The following AGTRAP variants were observed in gnomAD, a reference collection of about 807,000 sequenced individuals.
The protein encoded by AGTRAP is angiotensin II receptor associated protein, also known as type-1 angiotensin II receptor-associated protein.
AGTRAP carries 7 observed loss-of-function variants against 15.2 expected under a neutral mutation model. The ratio of observed to expected loss-of-function variants is 0.46; its 90% CI spans 0.26 to 0.87. The LOEUF is 0.87. Ranked by LOEUF, AGTRAP falls within the 40% of genes least tolerant of loss-of-function variation. The pLI is 0.15. For synonymous variants in AGTRAP, 74 were observed against 89.6 expected, an observed-to-expected ratio of 0.83 and a Z score of 0.98; for missense variants, 187 against 213.4, an observed-to-expected ratio of 0.88 and a Z score of 0.77.
chr1:11,736,475 G>A (rs569189529), intron 1 of AGTRAP, among the ~76,000 whole-genome samples: 3 of 152,342 alleles, frequency 2.0e-5, no homozygotes, highest in African/African-American at 7.2e-5. Flanking sequence ...GAGGGCAAGG[G>A]CCGCCCCCTC....
chr1:11,739,410 G>C (rs1362813937), intron 1 of AGTRAP, among the ~76,000 whole-genome samples: 1 of 152,148 alleles, frequency 6.6e-6, no homozygotes, highest in Non-Finnish European at 1.5e-5. Context: ...AATTAGCTGG[G>C]TGTGGTGGTG....
Position 11,736,199 on chromosome 1 carries a change from C to A in AGTRAP, c.-10C>A. ...CGGCTGCGGCGCAGGTGCCCTCGGC[C>A]TGAGTCGGGATGGAGCTGCCTGCTG... is the stretch of plus-strand genomic sequence containing the variant. On this transcript the variant is annotated 5_prime_UTR_variant, in exon 1 of 5. In the 5' UTR this introduces an upstream ATG that the reference lacks. Coordinates refer to ENST00000314340, the MANE Select transcript of AGTRAP (RefSeq NM_020350.5). 1 of 1,604,634 alleles carries A rather than the reference C, an allele frequency of 6.2e-7. No homozygotes were observed. The highest frequency in any genetic ancestry group is 8.5e-7 in the Non-Finnish European group (1 of 1,176,590).
intron 2 of AGTRAP, chr1:11,746,350 C>A (rs1642164158): frequency 9.6e-6 from 8 of 834,130 alleles, no homozygotes; most frequent in Non-Finnish European, 1.5e-5. Context: ...CAGGCACCTG[C>A]TTTCTTAAAA....
chr1:11,744,642 G>A (rs1444332140), intron 1 of AGTRAP: 3 of 698,476 alleles, frequency 4.3e-6, no homozygotes, highest in Non-Finnish European at 8.0e-6. Flanking sequence ...TTCCACAAAG[G>A]AGCCTCCCAC....
chr1:11,743,465 C>T lies in AGTRAP; in HGVS notation c.28-2338C>T, dbSNP rs190658374. On this transcript the variant is annotated intron_variant, in intron 1 of 4. Transcript: ENST00000314340. ...TTCGCCATGTTAGCCAGGCTGGTCT[C>T]GAACTCCTGACCTCAAGTGATCCAC... 1.5e-3 allele frequency among the ~76,000 whole-genome samples: 231 copies of T among 152,006 alleles called. 3 individuals carry two copies. Among genetic ancestry groups the T allele is most frequent in the African/African-American group, 5.3e-3 (219 of 41,472 alleles).
At chr1:11,739,998 AC>A (rs1312654235) in intron 1 of AGTRAP, among the ~76,000 whole-genome samples, 1 of 151,862 alleles carries the variant, frequency 6.6e-6, no homozygotes, top group Non-Finnish European at 1.5e-5. Flanking sequence ...TGGTCCATTG[AC>A]CCCTGTCTGG....
chr1:11,743,243 T>G (rs1044866583), intron 1 of AGTRAP, among the ~76,000 whole-genome samples: 22 of 151,882 alleles, frequency 1.4e-4, no homozygotes, highest in Admixed American at 7.9e-4. Flanking sequence ...CATCTGTCTT[T>G]TCTTTTCTTT....
chr1:11,736,197 G>A lies in AGTRAP; in HGVS notation c.-12G>A. On this transcript the variant is annotated 5_prime_UTR_variant, in exon 1 of 5. Coordinates refer to ENST00000314340, the MANE Select transcript of AGTRAP (RefSeq NM_020350.5). ...CGCGGCTGCGGCGCAGGTGCCCTCG[G>A]CCTGAGTCGGGATGGAGCTGCCTGC... 1 of 1,603,898 alleles carries A rather than the reference G, an allele frequency of 6.2e-7. No homozygotes were observed. Among genetic ancestry groups the A allele is most frequent in the Non-Finnish European group, 8.5e-7 (1 of 1,176,322 alleles).
chr1:11,738,971 T>C (rs1641963736), intron 1 of AGTRAP, among the ~76,000 whole-genome samples: 1 of 152,252 alleles, frequency 6.6e-6, no homozygotes, highest in Non-Finnish European at 1.5e-5. Flanking sequence ...CTGCATGCCC[T>C]GCTGGTTTCT....
chr1:11,742,441 GTTCCTTCC>G (rs147888116), intron 1 of AGTRAP, among the ~76,000 whole-genome samples: 34,394 of 149,042 alleles, frequency 0.23, 4,552 homozygotes, highest in East Asian at 0.32. Context: ...CCCTTCCTTC[GTTCCTTCC>G]TTCCTTCCTT....
At chr1:11,747,996 G>A (rs779908409) in intron 3 of AGTRAP, among the ~76,000 whole-genome samples, 1 of 152,106 alleles carries the variant, frequency 6.6e-6, no homozygotes, top group Admixed American at 6.5e-5. Context: ...CAGCACCCAC[G>A]GAGCCCCGTG....
chr1:11,741,141 G>GC (rs919858714), intron 1 of AGTRAP, among the ~76,000 whole-genome samples: 71 of 140,778 alleles, frequency 5.0e-4, no homozygotes, highest in African/African-American at 1.9e-3. Context: ...AAAGTTCCAC[G>GC]CCCCCCTTCT....
chr1:11,750,219 C>T lies in AGTRAP; in HGVS notation c.*27C>T. 6.3e-7 allele frequency: 1 copy of T among 1,578,948 alleles called. No homozygotes were observed. The highest frequency in any genetic ancestry group is 8.7e-7 in the Non-Finnish European group (1 of 1,151,910). On this transcript the variant is annotated 3_prime_UTR_variant, in exon 5 of 5. Transcript: ENST00000314340. ...GCCAGCCACGCTGCGCCCGGCCCTG[C>T]CCCGGGCCTTCCTCGTGCCTGGGAG...
Position 11,747,565 on chromosome 1 carries a change from A to G in AGTRAP, c.168+20A>G. ...AGCATGGTGAGCCAGGGTGGGGGAG[A>G]GGCGGCAAGGCGGGGAGCCGCAGCA... On this transcript the variant is annotated intron_variant, in intron 3 of 4. Transcript: ENST00000314340. 2 of 1,610,614 alleles carry G rather than the reference A, an allele frequency of 1.2e-6. No individual in the cohort carries two copies.
At chr1:11,747,208 G>C (rs1642184445) in intron 2 of AGTRAP, among the ~76,000 whole-genome samples, 1 of 152,216 alleles carries the variant, frequency 6.6e-6, no homozygotes, top group African/African-American at 2.4e-5. Flanking sequence ...GCTGGCACAG[G>C]GTGGCTGCGG....
intron 1 of AGTRAP, among the ~76,000 whole-genome samples, chr1:11,736,623 A>T (rs1344098948): frequency 6.6e-6 from 1 of 152,180 alleles, no homozygotes; most frequent in Non-Finnish European, 1.5e-5. Context: ...GGGGTCAGGG[A>T]CTGGGCTTGC....
At position 11,745,886 on chromosome 1, in the gene AGTRAP, T is replaced by C; in HGVS notation, c.62+49T>C. 1 of 1,610,790 alleles carries C rather than the reference T, an allele frequency of 6.2e-7. No individual in the cohort carries two copies. The highest frequency in any genetic ancestry group is 8.5e-7 in the Non-Finnish European group (1 of 1,176,944). On this transcript the variant is annotated intron_variant, in intron 2 of 4. Coordinates refer to ENST00000314340, the MANE Select transcript of AGTRAP (RefSeq NM_020350.5). The surrounding 1 kb of genome is among the most constrained non-coding windows in gnomAD (Gnocchi z 4.2). ...GTGTGTCTCCTGCGGTCTCAGGGTC[T>C]GTGTCAGCCGGGTCAGGTCCTGGTT...
At chr1:11,747,716 G>T (rs1023338584) in intron 3 of AGTRAP, among the ~76,000 whole-genome samples, 171 bp downstream of exon 3, 25 of 152,246 alleles carry the variant, frequency 1.6e-4, no homozygotes, top group African/African-American at 5.5e-4. Flanking sequence ...CCATGCCTGT[G>T]TTCAGGAGCC....
intron 4 of AGTRAP, 149 bp downstream of exon 4, chr1:11,748,759 G>T: frequency 4.2e-6 from 4 of 944,572 alleles, no homozygotes; most frequent in South Asian, 3.6e-5. Context: ...GTACTAGGCT[G>T]GACAGGTCCA....
Sources: allele counts gnomAD v4.1 joint callset (sites outside exome capture counted in the v4.1 genomes callset), GRCh38; gene constraint gnomAD v4.1.1; non-coding constraint Gnocchi (gnomAD v3.1); transcripts MANE v1.5; gene names NCBI Gene and HGNC (gene_info 2026-07-23, HGNC 2026-07-21).